LRRC8C: variants seen among roughly 807,000 people sequenced by gnomAD.
The protein encoded by LRRC8C is leucine rich repeat containing 8 VRAC subunit C.
Under a neutral mutation model 55.3 loss-of-function variants are expected in LRRC8C, and 20 were observed. That is an observed-to-expected ratio of 0.36 (90% CI 0.25 to 0.53). The LOEUF (loss-of-function observed/expected upper bound fraction) is 0.53. Ranked by LOEUF, LRRC8C falls within the 20% of genes least tolerant of loss-of-function variation. The pLI, the probability that LRRC8C is intolerant of heterozygous loss-of-function variation, is 0.92. For synonymous variants in LRRC8C, 376 were observed against 360.7 expected, an observed-to-expected ratio of 1.04 and a Z score of -0.48; for missense variants, 659 against 951.4, an observed-to-expected ratio of 0.69 and a Z score of 4.04.
chr1:89,640,492 A>G (rs1034600540), intron 1 of LRRC8C, among the ~76,000 whole-genome samples: 2 of 152,268 alleles, frequency 1.3e-5, no homozygotes, highest in Non-Finnish European at 2.9e-5. Flanking sequence ...GATATATCCT[A>G]TAAATGTAAC....
At chr1:89,666,538 C>CA (rs1171523250) in intron 1 of LRRC8C, among the ~76,000 whole-genome samples, 2 of 152,106 alleles carry the variant, frequency 1.3e-5, no homozygotes, top group Non-Finnish European at 2.9e-5. Flanking sequence ...TTTCCAGCTC[C>CA]ATGCAGATCT....
rs1658484283 is a variant in LRRC8C at position 89,706,405 on chromosome 1, G to T, written c.139-6304G>T. 6.0e-5 allele frequency: 27 copies of T among 450,696 alleles called. 1 individual carries two copies. The highest frequency in any genetic ancestry group is 4.3e-4 in the South Asian group (27 of 63,210). 27.9% of individuals were successfully genotyped at this position (450,696 alleles called of 1,614,324 possible). A position where few individuals can be genotyped will look rare whatever the true frequency, so the allele number is the denominator to read the frequency against. ...CTTTTCAACTAGTTATCACAGGTGG[G>T]TTCTGCTTTTTCACTTCCATACTTT... is the stretch of plus-strand genomic sequence containing the variant. On this transcript the variant is annotated intron_variant, in intron 2 of 2. Transcript: ENST00000370454.
rs993565418 is a variant in LRRC8C at position 89,696,359 on chromosome 1, G to A, written c.138+9748G>A. 5.3e-5 allele frequency among the ~76,000 whole-genome samples: 8 copies of A among 152,232 alleles called. No homozygotes were observed. The East Asian group carries it at 1.5e-3, about 29-fold the overall frequency. On this transcript the variant is annotated intron_variant, in intron 2 of 2. Transcript: ENST00000370454. ...ATCTACGTACCTGCAAAAAAAGTGG[G>A]GGTGTGGTAGGGAGTTCTGAAAAAA...
At chr1:89,677,255 A>G (rs1657577164) in intron 1 of LRRC8C, among the ~76,000 whole-genome samples, 1 of 152,214 alleles carries the variant, frequency 6.6e-6, no homozygotes, top group Non-Finnish European at 1.5e-5. Context: ...TAATTGGTCC[A>G]TTAATTGAAC....
rs940151323 is a variant in LRRC8C at position 89,693,161 on chromosome 1, G to A, written c.138+6550G>A. ...AAGATTTAACCCAATCACTAGGAGC[G>A]AAGTGGCCAGCAGGGTCACACTATC... On this transcript the variant is annotated intron_variant, in intron 2 of 2. Coordinates refer to ENST00000370454, the MANE Select transcript of LRRC8C (RefSeq NM_032270.5). Among the ~76,000 whole-genome samples the A allele has an allele frequency of 7.9e-5, 12 of 152,222 alleles. 1 individual carries two copies. Among genetic ancestry groups the A allele is most frequent in the African/African-American group, 2.4e-4 (10 of 41,454 alleles).
chr1:89,665,845 A>G (rs941203148), intron 1 of LRRC8C, among the ~76,000 whole-genome samples: 6 of 152,126 alleles, frequency 3.9e-5, no homozygotes, highest in Non-Finnish European at 8.8e-5. Context: ...TGCAAACTCC[A>G]TTCATGGTAA....
At chr1:89,644,702 A>T (rs1238557984) in intron 1 of LRRC8C, among the ~76,000 whole-genome samples, 3 of 152,182 alleles carry the variant, frequency 2.0e-5, no homozygotes, top group Non-Finnish European at 4.4e-5. Flanking sequence ...AGGGGGAAAA[A>T]AGTCACATAA....
rs1658851563 is a variant in LRRC8C at position 89,717,181 on chromosome 1, C to T, written c.*2199C>T. ...ACAAATAATTTGTTGGCCGATTGTC[C>T]ATGGTTGAGCATGACAAAAATACCT... On this transcript the variant is annotated 3_prime_UTR_variant, in exon 3 of 3. Coordinates refer to ENST00000370454, the MANE Select transcript of LRRC8C (RefSeq NM_032270.5). The T allele has an allele frequency of 2.0e-5, 3 of 152,190 alleles. No homozygotes were observed. The South Asian group carries it at 6.2e-4, about 32-fold the overall frequency. The allele number at this position is 152,190 out of a possible 1,614,324, so 9.4% of individuals were successfully genotyped here. A position where few individuals can be genotyped will look rare whatever the true frequency, so the allele number is the denominator to read the frequency against.
At chr1:89,644,258 T>G (rs1374267846) in intron 1 of LRRC8C, among the ~76,000 whole-genome samples, 1 of 152,242 alleles carries the variant, frequency 6.6e-6, no homozygotes, top group Non-Finnish European at 1.5e-5. Context: ...CACTGCAACC[T>G]TCACCTCCCA....
upstream of LRRC8C, chr1:89,632,744 G>C (rs778327200): frequency 3.3e-5 from 5 of 152,480 alleles, no homozygotes; most frequent in South Asian, 4.1e-4. Flanking sequence ...AGGGGTGGAG[G>C]TGGTATTAGA....
chr1:89,664,442 A>G (rs12080098), intron 1 of LRRC8C, among the ~76,000 whole-genome samples: 1,767 of 152,312 alleles, frequency 0.012, 35 homozygotes, highest in African/African-American at 0.04. Context: ...GTCAAAGATC[A>G]GATGGTTGTA....
chr1:89,686,709 G>GTAT (rs1657893039), intron 2 of LRRC8C, 98 bp downstream of exon 2: 1 of 1,344,648 alleles, frequency 7.4e-7, no homozygotes, highest in Admixed American at 1.9e-5. Context: ...AACCATGTAA[G>GTAT]TATTAGTCAC....
chr1:89,619,695 C>A, the LRRC8C span, among the ~76,000 whole-genome samples: 1 of 151,642 alleles, frequency 6.6e-6, no homozygotes, highest in Non-Finnish European at 1.5e-5. Context: ...TTAACCTCTA[C>A]CATATGGAAA....
intron 1 of LRRC8C, among the ~76,000 whole-genome samples, chr1:89,669,345 G>A (rs1446508681): frequency 6.6e-6 from 1 of 152,134 alleles, no homozygotes; most frequent in African/African-American, 2.4e-5. Context: ...ACATGAGTAA[G>A]CTTTAAAGAT....
chr1:89,652,260 A>C (rs1219362349), intron 1 of LRRC8C, among the ~76,000 whole-genome samples: 2 of 152,190 alleles, frequency 1.3e-5, no homozygotes, highest in Non-Finnish European at 2.9e-5. Flanking sequence ...TCTATGTGGG[A>C]AAGATGAAAG....
At chr1:89,619,019 A>T in the LRRC8C span, among the ~76,000 whole-genome samples, 4 of 152,224 alleles carry the variant, frequency 2.6e-5, no homozygotes. Flanking sequence ...TGTAGATCAC[A>T]AATTTATGAG....
rs942159165 is a variant in LRRC8C at position 89,719,114 on chromosome 1, A to G, written c.*4132A>G. On this transcript the variant is annotated 3_prime_UTR_variant, in exon 3 of 3. Coordinates refer to ENST00000370454, the MANE Select transcript of LRRC8C (RefSeq NM_032270.5). ...GTTCATTTTTGAAAGGTGGAGGAGG[A>G]TCTCCCCCTGCCCAAAGGAATTTTT... The G allele has an allele frequency of 8.9e-4, 135 of 152,314 alleles. No homozygotes were observed. Among genetic ancestry groups the G allele is most frequent in the African/African-American group, 3.2e-3 (131 of 41,576 alleles). 9.4% of individuals were successfully genotyped at this position (152,314 alleles called of 1,614,324 possible). A position where few individuals can be genotyped will look rare whatever the true frequency, so the allele number is the denominator to read the frequency against.
chr1:89,666,060 A>G (rs1302389169), intron 1 of LRRC8C, among the ~76,000 whole-genome samples: 2 of 152,178 alleles, frequency 1.3e-5, no homozygotes, highest in African/African-American at 4.8e-5. Flanking sequence ...CTAGGATTGT[A>G]TAAGTACACT....
At chr1:89,640,440 A>G (rs994226680) in intron 1 of LRRC8C, among the ~76,000 whole-genome samples, 16 of 152,374 alleles carry the variant, frequency 1.1e-4, no homozygotes, top group African/African-American at 3.8e-4. Flanking sequence ...TTAGAGATTT[A>G]TGAAAACTAG....
Sources: allele counts gnomAD v4.1 joint callset (sites outside exome capture counted in the v4.1 genomes callset), GRCh38; gene constraint gnomAD v4.1.1; transcripts MANE v1.5; gene names NCBI Gene and HGNC (gene_info 2026-07-23, HGNC 2026-07-21).